The following DCDC1 variants were observed in gnomAD, a reference collection of about 807,000 sequenced individuals.
DCDC1 encodes the protein doublecortin domain-containing protein 1.
Under a neutral mutation model 178.3 loss-of-function variants are expected in DCDC1, and 200 were observed. The observed-to-expected ratio is 1.12, with a 90% CI of 1.00 to 1.26. The LOEUF (loss-of-function observed/expected upper bound fraction) is 1.26. Ranked by LOEUF, DCDC1 falls within the 50% of genes most tolerant of loss-of-function variation. The pLI is 0.00. For missense variants in DCDC1, 1,983 were observed against 1,749.2 expected (o/e 1.13, Z -2.38); for synonymous variants, 690 against 604.8 (o/e 1.14, Z -2.07).
intron 38 of DCDC1, among the ~76,000 whole-genome samples, chr11:30,869,471 C>T (rs273581): frequency 0.1 from 15,247 of 152,184 alleles, 958 homozygotes; most frequent in Admixed American, 0.19. Context: ...TATTCATGAA[C>T]GCCTGCTATG....
intron 2 of DCDC1, among the ~76,000 whole-genome samples, chr11:31,329,555 C>G (rs1949850531): frequency 6.6e-6 from 1 of 152,074 alleles, no homozygotes; most frequent in South Asian, 2.1e-4. Context: ...GCCCTGCCCC[C>G]CACCCCACAA....
At chr11:31,174,046 T>C (rs2136237703) in intron 9 of DCDC1, among the ~76,000 whole-genome samples, 1 of 152,044 alleles carries the variant, frequency 6.6e-6, no homozygotes, top group East Asian at 1.9e-4. Context: ...GGCAGGAGTC[T>C]TGCACTTCCC....
intron 10 of DCDC1, 122 bp from the exon 11 acceptor site, chr11:31,127,761 G>A (rs1961856645): frequency 1.7e-6 from 1 of 587,372 alleles, no homozygotes; most frequent in East Asian, 2.8e-5. Flanking sequence ...TTTGAGTACA[G>A]ATCTATCCTC....
intron 9 of DCDC1, among the ~76,000 whole-genome samples, chr11:31,170,074 A>T (rs1264875296): frequency 6.6e-6 from 1 of 152,184 alleles, no homozygotes; most frequent in Non-Finnish European, 1.5e-5. Context: ...GAAAAAAGTG[A>T]CATATTATTC....
chr11:31,082,406 C>T (rs1336616087), intron 17 of DCDC1, among the ~76,000 whole-genome samples: 1 of 152,082 alleles, frequency 6.6e-6, no homozygotes, highest in Non-Finnish European at 1.5e-5. Flanking sequence ...TCTCTGAAAT[C>T]ATATGACTTC....
chr11:31,354,383 C>A lies in DCDC1; in HGVS notation c.-125+15314G>T, dbSNP rs183973594. On this transcript the variant is annotated intron_variant, in intron 1 of 38. Transcript: ENST00000684477. The stretch of plus-strand genomic sequence containing the variant: ...TGAGTACTGCAAAAGGAAAGAATAT[C>A]TTTTTATTCCTCTTCTCTTTCCTAT... 6.6e-5 allele frequency among the ~76,000 whole-genome samples: 10 copies of A among 152,302 alleles called. 1 individual carries two copies. In the East Asian group the frequency reaches 1.5e-3, roughly 24 times the overall value.
At chr11:30,882,620 T>C (rs1361495887) in intron 36 of DCDC1, 1 of 152,032 alleles carries the variant, frequency 6.6e-6, no homozygotes, top group Non-Finnish European at 1.5e-5. Context: ...CAACCTACCA[T>C]TGAGGGAGGA....
intron 10 of DCDC1, among the ~76,000 whole-genome samples, chr11:31,132,806 T>A (rs1962615461): frequency 6.6e-6 from 1 of 152,194 alleles, no homozygotes; most frequent in Non-Finnish European, 1.5e-5. Context: ...TCATTCTCCG[T>A]GGAAATGCAG....
chr11:30,890,893 A>G (rs540000627), intron 36 of DCDC1, among the ~76,000 whole-genome samples: 2 of 152,308 alleles, frequency 1.3e-5, no homozygotes, highest in South Asian at 4.1e-4. Flanking sequence ...CTCCCTATTG[A>G]TGAGGTTTTA....
At chr11:31,075,861 T>G (rs1352476050) in intron 18 of DCDC1, among the ~76,000 whole-genome samples, 1 of 151,966 alleles carries the variant, frequency 6.6e-6, no homozygotes, top group Non-Finnish European at 1.5e-5. Flanking sequence ...CATTCTTTTA[T>G]TTTTTTTGAG....
chr11:30,995,139 C>A (rs1011788002), intron 20 of DCDC1, among the ~76,000 whole-genome samples: 1 of 152,012 alleles, frequency 6.6e-6, no homozygotes, highest in African/African-American at 2.4e-5. Context: ...GAAACTAAAT[C>A]TCAAAACATC....
In DCDC1 at chr11:31,327,982, G is replaced by T. The variant is rs539966669; in HGVS notation, c.164+135C>A. 8.2e-5 allele frequency: 66 copies of T among 804,002 alleles called. No homozygotes were observed. In the East Asian group the frequency reaches 2.0e-3, roughly 25 times the overall value. 49.8% of individuals were successfully genotyped at this position (804,002 alleles called of 1,614,324 possible). A position where few individuals can be genotyped will look rare whatever the true frequency, so the allele number is the denominator to read the frequency against. The stretch of plus-strand genomic sequence containing the variant: ...TAACCTCAAGTGATCCACCTGCCTC[G>T]GCCTCCCAAAGTGCTGGGATTACAG... On this transcript the variant is annotated intron_variant, in intron 3 of 38. Coordinates refer to ENST00000684477, the MANE Select transcript of DCDC1 (RefSeq NM_001387274.1).
Position 30,915,491 on chromosome 11 carries a change from C to T in DCDC1, c.3653+20G>A, listed in dbSNP as rs768341679. 2 of 1,613,452 alleles carry T rather than the reference C, an allele frequency of 1.2e-6. No individual in the cohort carries two copies. The highest frequency in any genetic ancestry group is 1.3e-5 in the African/African-American group (1 of 74,876). ...CCTATTCACCTTTTGATATAGTAAA[C>T]CCAAATATAATGGGATTACCTGCTG... On this transcript the variant is annotated intron_variant, in intron 27 of 38. Transcript: ENST00000684477.
At chr11:31,206,972 G>T (rs1971939061) in intron 9 of DCDC1, among the ~76,000 whole-genome samples, 1 of 152,054 alleles carries the variant, frequency 6.6e-6, no homozygotes, top group Non-Finnish European at 1.5e-5. Context: ...ATAGAAACAG[G>T]GATGGGAGGC....
At chr11:31,044,972 CAGTG>C (rs1198790404) in intron 20 of DCDC1, among the ~76,000 whole-genome samples, 2 of 152,014 alleles carry the variant, frequency 1.3e-5, no homozygotes, top group African/African-American at 4.8e-5. Flanking sequence ...TTTCATGACA[CAGTG>C]AGAGAGATGT....
intron 6 of DCDC1, 102 bp downstream of exon 6, chr11:31,305,513 G>A (rs1948394914): frequency 6.9e-7 from 1 of 1,446,370 alleles, no homozygotes; most frequent in East Asian, 2.3e-5. Context: ...CATTAGTTTT[G>A]TTAAACCATG....
At chr11:31,304,093 G>A (rs1240058281) in intron 6 of DCDC1, among the ~76,000 whole-genome samples, 3 of 152,012 alleles carry the variant, frequency 2.0e-5, no homozygotes, top group Admixed American at 6.6e-5. Flanking sequence ...AAGGATAAAA[G>A]AGAAAACAAA....
At chr11:31,227,879 C>T (rs1164226145) in intron 9 of DCDC1, among the ~76,000 whole-genome samples, 1 of 151,908 alleles carries the variant, frequency 6.6e-6, no homozygotes, top group Non-Finnish European at 1.5e-5. Context: ...ACAAAATGGA[C>T]TTCAGAACAA....
At chr11:30,917,907 G>A (rs1168964708) in intron 25 of DCDC1, among the ~76,000 whole-genome samples, 1 of 152,156 alleles carries the variant, frequency 6.6e-6, no homozygotes, top group East Asian at 1.9e-4. Flanking sequence ...CAATTCCTGT[G>A]CTAGCAGAGC....
Sources: allele counts gnomAD v4.1 joint callset (sites outside exome capture counted in the v4.1 genomes callset), GRCh38; gene constraint gnomAD v4.1.1; transcripts MANE v1.5; gene names NCBI Gene and HGNC (gene_info 2026-07-23, HGNC 2026-07-21).